KBTBD11: variants seen among roughly 807,000 people sequenced by gnomAD.
The protein encoded by KBTBD11 is kelch repeat and BTB domain containing 11.
For synonymous variants in KBTBD11, 747 were observed against 499.0 expected (o/e 1.50, Z -6.63); for missense variants, 1,390 against 1,001.8 (o/e 1.39, Z -5.23).
At position 2,001,283 on chromosome 8, in the gene KBTBD11, G is replaced by C; in HGVS notation, c.91G>C (p.Ala31Pro). ...ESESEGAASP[A>P]QTPCSLGASL... The stretch of plus-strand genomic sequence containing the variant: ...CGAGAGCGAGGGCGCCGCGTCCCCG[G>C]CGCAGACACCCTGCAGTCTCGGCGC... The change falls in exon 2 of 2, where the codon GCG becomes CCG. Residue 31 changes from alanine (A) to proline (P), a missense_variant. Physicochemically the swap from Ala to Pro is conservative, Grantham distance 27 (BLOSUM62 -1). Transcript: ENST00000320248. 1 of 1,523,142 alleles carries C rather than the reference G, an allele frequency of 6.6e-7. No homozygotes were observed. The highest frequency in any genetic ancestry group is 8.7e-7 in the Non-Finnish European group (1 of 1,143,166). The allele number at this position is 1,523,142 out of a possible 1,614,324, so 94.4% of individuals were successfully genotyped here.
At chr8:1,983,107 G>A (rs190165998) in intron 1 of KBTBD11, among the ~76,000 whole-genome samples, 1 of 152,218 alleles carries the variant, frequency 6.6e-6, no homozygotes. Flanking sequence ...TGTGTGCCCC[G>A]AGGCAGCAGT....
At chr8:1,976,507 T>G (rs1816349373) in intron 1 of KBTBD11, 2 of 152,224 alleles carry the variant, frequency 1.3e-5, no homozygotes, top group African/African-American at 4.8e-5. Flanking sequence ...GCATTTTGTT[T>G]GAAGGATTAG....
chr8:1,977,385 G>A lies in KBTBD11; in HGVS notation c.-909+3450G>A, dbSNP rs146427951. Among the ~76,000 whole-genome samples the A allele has an allele frequency of 4.4e-3, 672 of 151,830 alleles. 7 individuals are homozygous for A. The highest frequency in any genetic ancestry group is 0.016 in the African/African-American group (647 of 41,388). On this transcript the variant is annotated intron_variant, in intron 1 of 1. Transcript: ENST00000320248. ...TAGAGTCGTGGGGACATACATATGG[G>A]TGTGGTTCTATGAAGTGTACCATCT...
intron 1 of KBTBD11, chr8:1,975,330 A>G (rs1269423115): frequency 1.3e-5 from 2 of 152,282 alleles, no homozygotes; most frequent in African/African-American, 2.4e-5. Flanking sequence ...CTTACATTAT[A>G]GTGATGTGTA....
At chr8:1,989,438 G>C (rs550579039) in intron 1 of KBTBD11, among the ~76,000 whole-genome samples, 15 of 152,200 alleles carry the variant, frequency 9.9e-5, no homozygotes, top group Non-Finnish European at 1.9e-4. Context: ...TTTGGACCAA[G>C]TTGACCGCAC....
In KBTBD11 at chr8:2,001,492, G is replaced by C. The variant is rs1255546402; in HGVS notation, c.300G>C (p.Pro100=). ...ELASPEERAC[P]EEPAAPSPEP... ...CGTCCCCTGAGGAGCGCGCGTGCCC[G>C]GAAGAGCCCGCGGCGCCGTCCCCCG... Residue 100 remains proline, a synonymous_variant, in exon 2 of 2, where the codon CCG becomes CCC. Coordinates refer to ENST00000320248, the MANE Select transcript of KBTBD11 (RefSeq NM_014867.3). 7.2e-7 allele frequency: 1 copy of C among 1,385,626 alleles called. No individual in the cohort carries two copies. The highest frequency in any genetic ancestry group is 9.3e-7 in the Non-Finnish European group (1 of 1,076,314). 85.8% of individuals were successfully genotyped at this position (1,385,626 alleles called of 1,614,324 possible).
intron 1 of KBTBD11, among the ~76,000 whole-genome samples, chr8:1,981,379 C>T (rs970313660): frequency 1.3e-5 from 2 of 152,150 alleles, no homozygotes; most frequent in African/African-American, 2.4e-5. Context: ...TGTAAGTACA[C>T]GGTTGAATTC....
intron 1 of KBTBD11, among the ~76,000 whole-genome samples, chr8:1,985,404 C>T (rs1405399315): frequency 1.3e-5 from 2 of 152,266 alleles, no homozygotes; most frequent in South Asian, 2.1e-4. Context: ...CTTAGGGGTT[C>T]CCCCTCGGGA....
chr8:1,998,121 ATGC>A (rs1201079114), intron 1 of KBTBD11, among the ~76,000 whole-genome samples: 2 of 152,206 alleles, frequency 1.3e-5, no homozygotes, highest in East Asian at 3.9e-4. Context: ...TGCTGACATA[ATGC>A]TCATTGGATC....
chr8:1,984,110 G>A (rs940354647), intron 1 of KBTBD11, among the ~76,000 whole-genome samples: 1 of 151,890 alleles, frequency 6.6e-6, no homozygotes, highest in African/African-American at 2.4e-5. Context: ...CAACAAGAGC[G>A]ACCGTCTGAA....
rs5888893 is a variant in KBTBD11, at chr8:2,005,476, CAGAG to C, written c.*2414_*2417del. ...GCCGCTAGGGTTTGCACCCATGAAA[CAGAG>C]AAAAGCCACACCCTCCAAGGTGTGG... On this transcript the variant is annotated 3_prime_UTR_variant, in exon 2 of 2. Transcript: ENST00000320248. 6.0e-6 allele frequency: 1 copy of C among 166,692 alleles called. No individual in the cohort carries two copies. The highest frequency in any genetic ancestry group is 1.5e-5 in the Non-Finnish European group (1 of 68,040). The allele number at this position is 166,692 out of a possible 1,614,324, so 10.3% of individuals were successfully genotyped here.
Position 1,973,957 on chromosome 8 carries a change from C to T in KBTBD11, c.-909+22C>T, listed in dbSNP as rs1816213874. 7.1e-6 allele frequency: 7 copies of T among 982,272 alleles called. No individual in the cohort carries two copies. In the Admixed American group the frequency reaches 1.9e-4, roughly 26 times the overall value. 60.8% of individuals were successfully genotyped at this position (982,272 alleles called of 1,614,324 possible). ...CGAGGTAGGGCGGACCCCGGGGAGG[C>T]AGCGGCGGGGCCTGGCGGGCGGAGC... is the stretch of plus-strand genomic sequence containing the variant. On this transcript the variant is annotated intron_variant, in intron 1 of 1. Transcript: ENST00000320248.
Position 2,006,434 on chromosome 8 carries a change from A to C in KBTBD11, c.*3370A>C, listed in dbSNP as rs952912392. 6.0e-6 allele frequency: 1 copy of C among 166,916 alleles called. No individual in the cohort carries two copies. Among genetic ancestry groups the C allele is most frequent in the African/African-American group, 2.4e-5 (1 of 41,472 alleles). The allele number at this position is 166,916 out of a possible 1,614,324, so 10.3% of individuals were successfully genotyped here. Reference sequence around the variant, plus strand: ...ACAAAAAGTTCTGTTTTTGGGTTAAAAATCAATCAACTTTCTGATATTTCC... The same window carrying C: ...ACAAAAAGTTCTGTTTTTGGGTTAACAATCAATCAACTTTCTGATATTTCC... On this transcript the variant is annotated 3_prime_UTR_variant, in exon 2 of 2. Coordinates refer to ENST00000320248, the MANE Select transcript of KBTBD11 (RefSeq NM_014867.3).
In KBTBD11 at chr8:2,002,065, C is replaced by G. The variant is rs1223540159; in HGVS notation, c.873C>G (p.Ala291=). 1.7e-6 allele frequency: 2 copies of G among 1,150,948 alleles called. No individual in the cohort carries two copies. Among genetic ancestry groups the G allele is most frequent in the African/African-American group, 1.7e-5 (1 of 60,432 alleles). 71.3% of individuals were successfully genotyped at this position (1,150,948 alleles called of 1,614,324 possible). Residue 291 remains alanine (A), a synonymous_variant, in exon 2 of 2, where the codon GCC becomes GCG. Transcript: ENST00000320248. This position sits in a 1 kb window ranked among gnomAD's most constrained non-coding sequence, Gnocchi z 4.1. ...RDLLLRRRLR[A]GRAHLLAAAL... ...TGCTGCTGCGCCGCCGCCTGCGCGC[C>G]GGCCGCGCCCACCTCTTGGCCGCGG...
intron 1 of KBTBD11, among the ~76,000 whole-genome samples, chr8:1,991,305 G>A (rs923489832): frequency 1.3e-5 from 2 of 152,214 alleles, no homozygotes; most frequent in East Asian, 1.9e-4. Context: ...GGTGAAGTAG[G>A]CGTTTGCTTT....
intron 1 of KBTBD11, among the ~76,000 whole-genome samples, chr8:1,999,658 C>G (rs1817269352): frequency 6.6e-6 from 1 of 152,178 alleles, no homozygotes; most frequent in African/African-American, 2.4e-5. Flanking sequence ...AATTGCTTCT[C>G]TGAGGTTTTT....
chr8:1,973,994 C>T (rs190288073), intron 1 of KBTBD11, 59 bp downstream of exon 1: 1 of 925,978 alleles, frequency 1.1e-6, no homozygotes, highest in Non-Finnish European at 1.3e-6. Context: ...GGAAGCAGCC[C>T]GAGGCGCGGG....
Position 2,001,221 on chromosome 8 carries a change from T to G in KBTBD11, c.29T>G (p.Leu10Arg), listed in dbSNP as rs1372947303. Residue 10 changes from leucine to arginine, a missense_variant, in exon 2 of 2, where the codon CTC (leucine) becomes CGC (arginine). Coordinates refer to ENST00000320248, the MANE Select transcript of KBTBD11 (RefSeq NM_014867.3). ...GAGCACGCGGTGGCCCCCTGCGTCC[T>G]CTACCCAGGGACTGAGCCCGGGGCT... MEHAVAPCV[L>R]YPGTEPGAAG... is the part of the protein sequence containing the mutation. 2.2e-5 allele frequency: 32 copies of G among 1,423,402 alleles called. No individual in the cohort carries two copies. The highest frequency in any genetic ancestry group is 2.9e-5 in the East Asian group (1 of 34,052). The allele number at this position is 1,423,402 out of a possible 1,614,324, so 88.2% of individuals were successfully genotyped here.
chr8:1,995,218 C>T (rs922308304), intron 1 of KBTBD11, among the ~76,000 whole-genome samples: 1 of 152,072 alleles, frequency 6.6e-6, no homozygotes, highest in African/African-American at 2.4e-5. Flanking sequence ...CATTTCTAAA[C>T]TACACAGAAA....
Sources: allele counts gnomAD v4.1 joint callset (sites outside exome capture counted in the v4.1 genomes callset), GRCh38; gene constraint gnomAD v4.1.1; non-coding constraint Gnocchi (gnomAD v3.1); transcripts MANE v1.5; gene names NCBI Gene and HGNC (gene_info 2026-07-23, HGNC 2026-07-21).